The following LRMDA variants were observed in gnomAD, a reference collection of about 807,000 sequenced individuals.
The protein encoded by LRMDA is leucine rich melanocyte differentiation associated.
In LRMDA, 18 loss-of-function variants were observed where a neutral mutation model predicts 29.8. The ratio of observed to expected loss-of-function variants is 0.60; its 90% CI spans 0.42 to 0.90. LRMDA has a LOEUF of 0.90. Ranked by LOEUF, LRMDA falls within the 40% of genes least tolerant of loss-of-function variation. LRMDA has a pLI of 0.00. For synonymous variants in LRMDA, 125 were observed against 109.4 expected (o/e 1.14, Z -0.89); for missense variants, 273 against 273.9 (o/e 1.00, Z 0.02).
At chr10:75,832,460 T>C (rs1169119879) in intron 2 of LRMDA, among the ~76,000 whole-genome samples, 1 of 152,218 alleles carries the variant, frequency 6.6e-6, no homozygotes, top group East Asian at 1.9e-4. Context: ...TCAAAGTCAT[T>C]CAACAAGTCT....
In LRMDA at chr10:76,224,416, A is replaced by G. The variant is rs145379032; in HGVS notation, c.517-99985A>G. Among the ~76,000 whole-genome samples, 151 of 152,052 alleles carry G rather than the reference A, an allele frequency of 9.9e-4. 3 individuals are homozygous for G. In the East Asian group the frequency reaches 0.027, roughly 27 times the overall value. On this transcript the variant is annotated intron_variant, in intron 5 of 6. Coordinates refer to ENST00000611255, the MANE Select transcript of LRMDA (RefSeq NM_001305581.2). ...GAGAAATCCCATCTCTACAAAAAAT[A>G]CAAAAGTTAGCCAGGCATGGTAGCA...
chr10:75,628,869 G>C (rs1399934771), intron 2 of LRMDA, among the ~76,000 whole-genome samples: 1 of 152,228 alleles, frequency 6.6e-6, no homozygotes, highest in Non-Finnish European at 1.5e-5. Context: ...TGGGGCACTT[G>C]CCTTTCACAC....
intron 2 of LRMDA, among the ~76,000 whole-genome samples, chr10:75,575,905 C>T (rs1589190595): frequency 6.6e-6 from 1 of 152,084 alleles, no homozygotes; most frequent in Non-Finnish European, 1.5e-5. Flanking sequence ...ACCACCAGGG[C>T]CCTGGGTTTC....
chr10:76,083,347 C>A (rs1417787513), intron 5 of LRMDA, among the ~76,000 whole-genome samples: 1 of 152,164 alleles, frequency 6.6e-6, no homozygotes, highest in Non-Finnish European at 1.5e-5. Flanking sequence ...CCCAGAACCA[C>A]CACAGTCAAG....
chr10:75,668,738 A>T lies in LRMDA; in HGVS notation c.131+230244A>T, dbSNP rs370684014. ...TTTAACTAGAAATCTAGCAACACAC[A>T]GTTAATAAAACAGGTTACCTCAACT... On this transcript the variant is annotated intron_variant, in intron 2 of 6. Transcript: ENST00000611255. Among the ~76,000 whole-genome samples, 27 of 152,354 alleles carry T rather than the reference A, an allele frequency of 1.8e-4. No homozygotes were observed. The South Asian group carries it at 5.6e-3, about 32-fold the overall frequency.
intron 5 of LRMDA, among the ~76,000 whole-genome samples, chr10:76,295,947 T>G (rs1157361981): frequency 6.6e-6 from 1 of 152,234 alleles, no homozygotes; most frequent in African/African-American, 2.4e-5. Context: ...GCATAGTGCT[T>G]AATTGTTTTC....
intron 2 of LRMDA, among the ~76,000 whole-genome samples, chr10:75,852,072 G>T (rs566479756): frequency 3.9e-5 from 6 of 152,234 alleles, no homozygotes; most frequent in African/African-American, 1.2e-4. Flanking sequence ...TTACAACTCA[G>T]ACCCCATCAG....
chr10:76,537,016 AT>A (rs1247190121), intron 6 of LRMDA, among the ~76,000 whole-genome samples: 1 of 152,176 alleles, frequency 6.6e-6, no homozygotes, highest in African/African-American at 2.4e-5. Context: ...TTGTATTTAT[AT>A]TTGCTTAAAT....
intron 5 of LRMDA, among the ~76,000 whole-genome samples, chr10:76,255,504 C>T (rs530890318): frequency 6.6e-6 from 1 of 152,324 alleles, no homozygotes; most frequent in East Asian, 1.9e-4. Flanking sequence ...CATTCCTACA[C>T]ATGGCTACAT....
At chr10:75,706,731 AC>A (rs1842373987) in intron 2 of LRMDA, among the ~76,000 whole-genome samples, 2 of 120,558 alleles carry the variant, frequency 1.7e-5, no homozygotes, top group Non-Finnish European at 3.4e-5. Flanking sequence ...TATTGGTACC[AC>A]TTTTTTTTTT....
At chr10:76,534,041 T>A (rs1462656409) in intron 6 of LRMDA, among the ~76,000 whole-genome samples, 4 of 152,194 alleles carry the variant, frequency 2.6e-5, no homozygotes, top group African/African-American at 9.7e-5. Context: ...CCAGACACTG[T>A]GATAGATCCT....
At chr10:76,317,875 A>G (rs1221089290) in intron 5 of LRMDA, among the ~76,000 whole-genome samples, 1 of 152,166 alleles carries the variant, frequency 6.6e-6, no homozygotes, top group Non-Finnish European at 1.5e-5. Flanking sequence ...TGCCTGGCCC[A>G]AAAATCTTTC....
chr10:75,891,154 T>C (rs765836109), intron 2 of LRMDA, among the ~76,000 whole-genome samples: 2 of 149,260 alleles, frequency 1.3e-5, no homozygotes, highest in Non-Finnish European at 3.0e-5. Context: ...CCATATTGTG[T>C]TGTGTAGCGT....
chr10:75,992,932 G>A (rs1285091309), intron 2 of LRMDA, among the ~76,000 whole-genome samples: 2 of 149,342 alleles, frequency 1.3e-5, no homozygotes, highest in African/African-American at 2.5e-5. Flanking sequence ...CAGGTTACAG[G>A]GTATAATCTT....
intron 2 of LRMDA, among the ~76,000 whole-genome samples, chr10:75,832,848 C>G (rs1249869172): frequency 6.6e-6 from 1 of 152,184 alleles, no homozygotes; most frequent in East Asian, 1.9e-4. Context: ...GAGACCCATT[C>G]ACTATCACGA....
chr10:76,365,061 C>T (rs758148638), intron 6 of LRMDA, among the ~76,000 whole-genome samples: 27 of 89,364 alleles, frequency 3.0e-4, no homozygotes, highest in Non-Finnish European at 3.6e-4. Flanking sequence ...AGTATTCCAT[C>T]GTATATATAT....
intron 2 of LRMDA, among the ~76,000 whole-genome samples, chr10:75,665,181 C>G (rs754235109): frequency 6.6e-6 from 1 of 152,226 alleles, no homozygotes; most frequent in Non-Finnish European, 1.5e-5. Flanking sequence ...CATGCCACAT[C>G]ATCGTCCCTT....
At chr10:75,956,093 T>C (rs74149827) in intron 2 of LRMDA, among the ~76,000 whole-genome samples, 2,704 of 152,282 alleles carry the variant, frequency 0.018, 62 homozygotes, top group East Asian at 0.064. Context: ...TCAAGATATA[T>C]TGTCAGGACT....
intron 6 of LRMDA, among the ~76,000 whole-genome samples, chr10:76,423,269 C>T (rs1209644716): frequency 6.6e-6 from 1 of 152,130 alleles, no homozygotes; most frequent in Non-Finnish European, 1.5e-5. Context: ...ATGGTGCACA[C>T]CTCAGTCCCA....
Sources: allele counts gnomAD v4.1 joint callset (sites outside exome capture counted in the v4.1 genomes callset), GRCh38; gene constraint gnomAD v4.1.1; transcripts MANE v1.5; gene names NCBI Gene and HGNC (gene_info 2026-07-23, HGNC 2026-07-21).